The following KIAA1328 variants were observed in gnomAD, a reference collection of about 807,000 sequenced individuals.
The protein encoded by KIAA1328 is KIAA1328.
A neutral mutation model predicts 68.1 loss-of-function variants in KIAA1328; 52 were observed. That is an observed-to-expected ratio of 0.76 (90% confidence interval 0.61 to 0.96). The LOEUF (loss-of-function observed/expected upper bound fraction) is 0.96, where lower values mean the gene tolerates loss of function less well. Ranked by LOEUF, KIAA1328 falls within the 40% of genes least tolerant of loss-of-function variation. The pLI, the probability that KIAA1328 is intolerant of heterozygous loss-of-function variation, is 0.00. For missense variants in KIAA1328, 641 were observed against 677.6 expected, an observed-to-expected ratio of 0.95 and a Z score of 0.60; for synonymous variants, 232 against 239.4, an observed-to-expected ratio of 0.97 and a Z score of 0.28.
At chr18:36,915,916 T>G (rs760483016) in intron 5 of KIAA1328, among the ~76,000 whole-genome samples, 1 of 152,182 alleles carries the variant, frequency 6.6e-6, no homozygotes, top group Non-Finnish European at 1.5e-5. Flanking sequence ...TTGCCAACAA[T>G]GAAAACAACT....
chr18:36,990,657 C>A (rs919922088), intron 6 of KIAA1328, among the ~76,000 whole-genome samples: 1 of 151,574 alleles, frequency 6.6e-6, no homozygotes, highest in African/African-American at 2.4e-5. Context: ...GGCAACAGAG[C>A]AAGACTCCGT....
intron 4 of KIAA1328, among the ~76,000 whole-genome samples, chr18:36,847,741 A>T (rs538495923): frequency 6.6e-6 from 1 of 151,742 alleles, no homozygotes; most frequent in East Asian, 1.9e-4. Flanking sequence ...GGATCTTGAC[A>T]AAGTTCAGTT....
chr18:37,133,916 A>G (rs1031183660), intron 7 of KIAA1328, among the ~76,000 whole-genome samples: 2 of 151,946 alleles, frequency 1.3e-5, no homozygotes, highest in Non-Finnish European at 2.9e-5. Flanking sequence ...GCCATATTGT[A>G]TTTTCCAAAG....
At chr18:36,930,777 T>C (rs1239966698) in intron 5 of KIAA1328, among the ~76,000 whole-genome samples, 1 of 152,066 alleles carries the variant, frequency 6.6e-6, no homozygotes, top group Non-Finnish European at 1.5e-5. Context: ...ATTATTTTTC[T>C]GTCTTTTGAT....
chr18:37,009,952 C>T (rs886439198), intron 6 of KIAA1328, among the ~76,000 whole-genome samples: 3 of 152,036 alleles, frequency 2.0e-5, no homozygotes, highest in South Asian at 4.1e-4. Flanking sequence ...AAATGTTAGT[C>T]ATAAAAATTA....
At chr18:37,150,429 A>G (rs1450629113) in intron 7 of KIAA1328, among the ~76,000 whole-genome samples, 1 of 152,078 alleles carries the variant, frequency 6.6e-6, no homozygotes. Context: ...CTGTCCTCCT[A>G]CCACACTTGA....
Position 37,222,244 on chromosome 18 carries a change from C to T in KIAA1328, c.*17C>T. On this transcript the variant is annotated 3_prime_UTR_variant, in exon 10 of 10. Transcript: ENST00000280020. ...TTCATTTGACATATTGCAAAATTTT[C>T]TTAGGAAATTTGTGGGTTTCCTCAC... 6.4e-7 allele frequency: 1 copy of T among 1,552,024 alleles called. No individual in the cohort carries two copies. The highest frequency in any genetic ancestry group is 8.7e-7 in the Non-Finnish European group (1 of 1,147,212).
rs750962719 is a variant in KIAA1328, at chr18:37,224,949, A to T, written c.*2722A>T. On this transcript the variant is annotated 3_prime_UTR_variant, in exon 10 of 10. Transcript: ENST00000280020. ...TTGATGCAGAGAACCAAAGTGAATCATAGAAAAGCTTTTGCTAACAGTCCG... is the reference window on the plus strand; with the variant it reads ...TTGATGCAGAGAACCAAAGTGAATCTTAGAAAAGCTTTTGCTAACAGTCCG... The T allele has an allele frequency of 7.1e-6, 7 of 985,388 alleles. No homozygotes were observed. Among genetic ancestry groups the T allele is most frequent in the Non-Finnish European group, 8.4e-6 (7 of 829,960 alleles). 61.0% of individuals were successfully genotyped at this position (985,388 alleles called of 1,614,324 possible). A position where few individuals can be genotyped will look rare whatever the true frequency, so the allele number is the denominator to read the frequency against.
intron 7 of KIAA1328, among the ~76,000 whole-genome samples, chr18:37,090,052 G>A (rs913308372): frequency 9.2e-5 from 14 of 152,140 alleles, no homozygotes; most frequent in Non-Finnish European, 2.1e-4. Context: ...ATGCAGGAAG[G>A]CAGCAATGTA....
intron 9 of KIAA1328, among the ~76,000 whole-genome samples, chr18:37,219,168 G>A (rs933204010): frequency 5.3e-5 from 8 of 152,174 alleles, no homozygotes; most frequent in Non-Finnish European, 1.2e-4. Flanking sequence ...AAATATTGCA[G>A]AACTGCAATA....
intron 4 of KIAA1328, among the ~76,000 whole-genome samples, chr18:36,856,873 A>C (rs1243587552): frequency 1.3e-5 from 2 of 152,014 alleles, no homozygotes; most frequent in Non-Finnish European, 2.9e-5. Context: ...TTGCTTAGTG[A>C]CTTTTCCAGG....
intron 6 of KIAA1328, among the ~76,000 whole-genome samples, chr18:37,018,242 A>G (rs2054221861): frequency 6.6e-6 from 1 of 152,016 alleles, no homozygotes; most frequent in Non-Finnish European, 1.5e-5. Flanking sequence ...GGGATGTCAT[A>G]TTCTTCCCTG....
chr18:37,132,140 TTCTA>T, intron 7 of KIAA1328, among the ~76,000 whole-genome samples: 1 of 152,186 alleles, frequency 6.6e-6, no homozygotes, highest in Admixed American at 6.5e-5. Flanking sequence ...CAAAGCTGCC[TTCTA>T]TCTATGTCCA....
At chr18:37,117,012 CA>C (rs2058129010) in intron 7 of KIAA1328, among the ~76,000 whole-genome samples, 1 of 152,176 alleles carries the variant, frequency 6.6e-6, no homozygotes, top group African/African-American at 2.4e-5. Context: ...CAGGAAACAA[CA>C]GGTGCTGGAG....
chr18:36,869,047 CT>C (rs558505849), intron 4 of KIAA1328, among the ~76,000 whole-genome samples: 221 of 132,152 alleles, frequency 1.7e-3, no homozygotes, highest in Non-Finnish European at 2.3e-3. Context: ...TTTTTTCTTT[CT>C]TTTTTTTTTT....
chr18:36,839,380 A>G (rs993011139), intron 3 of KIAA1328, among the ~76,000 whole-genome samples: 6 of 152,276 alleles, frequency 3.9e-5, no homozygotes, highest in Admixed American at 3.3e-4. Flanking sequence ...GAAACAATGT[A>G]GTTTTATCTT....
intron 9 of KIAA1328, among the ~76,000 whole-genome samples, chr18:37,202,805 CATG>C (rs1381599878): frequency 6.6e-6 from 1 of 152,044 alleles, no homozygotes; most frequent in Non-Finnish European, 1.5e-5. Context: ...ATGTGTCTTG[CATG>C]ATTTTAACGT....
chr18:36,887,155 G>T (rs2048529924), intron 5 of KIAA1328, among the ~76,000 whole-genome samples: 1 of 148,384 alleles, frequency 6.7e-6, no homozygotes, highest in African/African-American at 2.5e-5. Flanking sequence ...ATTGCCCTTG[G>T]TTGTTGACCC....
rs574077188 is a variant in KIAA1328 at position 36,834,608 on chromosome 18, A to C, written c.94+253A>C. On this transcript the variant is annotated intron_variant, in intron 2 of 9. Coordinates refer to ENST00000280020, the MANE Select transcript of KIAA1328 (RefSeq NM_020776.3). ...AACACTTCATGTGGCAAGGGGCAAA[A>C]GATTCTTTTCTTATTTTTTCTTTTA... is the stretch of plus-strand genomic sequence containing the variant. 3.3e-5 allele frequency among the ~76,000 whole-genome samples: 5 copies of C among 152,268 alleles called. No homozygotes were observed. In the South Asian group the frequency reaches 8.3e-4, roughly 25 times the overall value.
Sources: gnomAD v4.1 joint callset for allele counts (sites outside exome capture counted in the v4.1 genomes callset) on GRCh38, gnomAD v4.1.1 for gene constraint, MANE v1.5 for transcripts, NCBI Gene and HGNC (gene_info 2026-07-23, HGNC 2026-07-21) for gene names.